The following COL3A1 variants were observed in gnomAD, a reference collection of about 807,000 sequenced individuals.
COL3A1 encodes the protein collagen alpha-1(III) chain.
In COL3A1, 46 loss-of-function variants were observed where a neutral mutation model predicts 200.9. That is an observed-to-expected ratio of 0.23 (90% confidence interval 0.18 to 0.29). The LOEUF (loss-of-function observed/expected upper bound fraction) is 0.29, where lower values mean the gene tolerates loss of function less well. Ranked by LOEUF, COL3A1 falls within the 10% of genes least tolerant of loss-of-function variation. The pLI is 1.00. For synonymous variants in COL3A1, 650 were observed against 628.0 expected (o/e 1.03, Z -0.52); for missense variants, 1,367 against 1,917.6 (o/e 0.71, Z 5.36).
Position 189,010,883 on chromosome 2 carries a change from G to C in COL3A1, c.4247G>C (p.Gly1416Ala). Reference protein sequence around the residue: ...SKFTYTVLEDGCTKHTGEWSK... With the variant: ...SKFTYTVLEDACTKHTGEWSK... ...TTCACCTACACAGTTCTGGAGGATGGTTGCACGGTAGGAAACATTTTTCTC... is the reference window on the plus strand; with the variant it reads ...TTCACCTACACAGTTCTGGAGGATGCTTGCACGGTAGGAAACATTTTTCTC... The change falls in exon 50 of 51, where the codon GGT becomes GCT. Residue 1416 changes from glycine to alanine, a missense_variant. Gly to Ala is a moderately conservative substitution (Grantham distance 60). This residue lies in a region of COL3A1 where 846 missense variants were observed against 1,147.9 expected (regional missense o/e 0.74). Coordinates refer to ENST00000304636, the MANE Select transcript of COL3A1 (RefSeq NM_000090.4). 6.2e-7 allele frequency: 1 copy of C among 1,614,086 alleles called. No individual in the cohort carries two copies. The highest frequency in any genetic ancestry group is 8.5e-7 in the Non-Finnish European group (1 of 1,179,950).
intron 8 of COL3A1, 53 bp downstream of exon 8, chr2:188,989,502 C>G: frequency 7.7e-7 from 1 of 1,306,460 alleles, no homozygotes; most frequent in Non-Finnish European, 1.1e-6. Flanking sequence ...TTGGTGTATT[C>G]TAAACAGTAT....
chr2:189,007,082 A>G, intron 44 of COL3A1, 92 bp downstream of exon 44: 1 of 566,810 alleles, frequency 1.8e-6, no homozygotes, highest in African/African-American at 2.2e-5. Flanking sequence ...CAGCGTGTTC[A>G]GGAAAAAAGA....
At position 188,992,948 on chromosome 2, in the gene COL3A1, T is replaced by G; in HGVS notation, c.1050+8T>G. On this transcript the variant is annotated splice_region_variant and intron_variant, in intron 15 of 50. Coordinates refer to ENST00000304636, the MANE Select transcript of COL3A1 (RefSeq NM_000090.4). ...GGATCCCCTGGTGCTAAGGTAAACA[T>G]GTGTTTCTATAGAAGGGTATAAAAA... 1.2e-6 allele frequency: 2 copies of G among 1,613,184 alleles called. No individual in the cohort carries two copies. The highest frequency in any genetic ancestry group is 1.7e-6 in the Non-Finnish European group (2 of 1,179,282).
intron 37 of COL3A1, 48 bp downstream of exon 37, chr2:189,003,512 C>A (rs369967656): frequency 3.2e-6 from 5 of 1,562,026 alleles, no homozygotes; most frequent in Non-Finnish European, 4.4e-6. Context: ...TAATTGATAT[C>A]AACCTGTATA....
intron 6 of COL3A1, 136 bp from the exon 7 acceptor site, chr2:188,988,454 A>G (rs946397344): frequency 5.8e-5 from 40 of 686,188 alleles, no homozygotes; most frequent in Non-Finnish European, 1.3e-5. Flanking sequence ...TCTAAAAATA[A>G]TTTGGTCTCA....
intron 1 of COL3A1, 123 bp downstream of exon 1, chr2:188,974,691 T>C (rs1687771205): frequency 1.3e-6 from 1 of 775,706 alleles, no homozygotes. Context: ...AAGCTCCAGA[T>C]TGTGAAACGT....
At chr2:188,996,342 G>C in intron 23 of COL3A1, 56 bp from the exon 24 acceptor site, 1 of 1,259,084 alleles carries the variant, frequency 7.9e-7, no homozygotes, top group Non-Finnish European at 1.1e-6. Flanking sequence ...TATATATATA[G>C]CATGCTTTAA....
chr2:188,978,145 A>G (rs1687864158), intron 1 of COL3A1: 1 of 252,746 alleles, frequency 4.0e-6, no homozygotes, highest in Non-Finnish European at 8.8e-6. Flanking sequence ...TAAGTGATCT[A>G]AAGGCCTACA....
In COL3A1 at chr2:188,995,075, A is replaced by G; in HGVS notation, c.1485A>G (p.Gly495=). ...RGAPGFRGPA[G]PNGIPGEKGP... is the part of the protein sequence containing the mutation. ...CCCCTGGGTTCCGAGGACCTGCTGG[A>G]CCAAATGGCATCCCAGGAGAAAAGG... The change falls in exon 21 of 51, where the codon GGA becomes GGG. Residue 495 remains glycine (G), a synonymous_variant. Coordinates refer to ENST00000304636, the MANE Select transcript of COL3A1 (RefSeq NM_000090.4). 1 of 1,614,214 alleles carries G rather than the reference A, an allele frequency of 6.2e-7. No individual in the cohort carries two copies. Among genetic ancestry groups the G allele is most frequent in the African/African-American group, 1.3e-5 (1 of 75,054 alleles).
In COL3A1 at chr2:188,991,077, A is replaced by T; in HGVS notation, c.852+20A>T. The stretch of plus-strand genomic sequence containing the variant: ...TTAAAGGTAAATCACAACAAAAATC[A>T]TATTTTCATAAGTAAATTCATTAAA... On this transcript the variant is annotated intron_variant, in intron 11 of 50. Coordinates refer to ENST00000304636, the MANE Select transcript of COL3A1 (RefSeq NM_000090.4). 1 of 1,606,364 alleles carries T rather than the reference A, an allele frequency of 6.2e-7. No individual in the cohort carries two copies. Among genetic ancestry groups the T allele is most frequent in the Non-Finnish European group, 8.5e-7 (1 of 1,173,604 alleles).
chr2:189,000,474 A>C (rs1009859706), intron 32 of COL3A1, among the ~76,000 whole-genome samples: 1 of 152,182 alleles, frequency 6.6e-6, no homozygotes, highest in Non-Finnish European at 1.5e-5. Flanking sequence ...AGAATGAGAA[A>C]GAGAGAGATG....
intron 1 of COL3A1, among the ~76,000 whole-genome samples, chr2:188,984,151 G>C (rs558707575): frequency 6.6e-6 from 1 of 151,782 alleles, no homozygotes; most frequent in Non-Finnish European, 1.5e-5. Context: ...ATCCATATGG[G>C]ATATACAATA....
Position 188,995,729 on chromosome 2 carries a change from G to A in COL3A1, c.1547G>A (p.Gly516Glu). 6.4e-7 allele frequency: 1 copy of A among 1,564,936 alleles called. No homozygotes were observed. Among genetic ancestry groups the A allele is most frequent in the Non-Finnish European group, 8.7e-7 (1 of 1,154,198 alleles). The change falls in exon 22 of 51, where the codon GGG (glycine) becomes GAG (glutamate). Residue 516 changes from glycine to glutamate, a missense_variant. Around this residue, in one of 5 missense-constraint regions of COL3A1, gnomAD observed 462 missense variants for 681.4 expected, o/e 0.68. Transcript: ENST00000304636. ...AGERGAPGPA[G>E]PRGAAGEPGR... is the part of the protein sequence containing the mutation. ...GAGCGTGGTGCTCCAGGCCCTGCAG[G>A]GCCCAGAGGAGCTGCTGGAGAACCT...
chr2:188,997,730 C>G lies in COL3A1; in HGVS notation c.1900C>G (p.Pro634Ala), dbSNP rs762129273. 1.2e-6 allele frequency: 2 copies of G among 1,613,614 alleles called. No homozygotes were observed. Among genetic ancestry groups the G allele is most frequent in the South Asian group, 2.2e-5 (2 of 91,066 alleles). ...TGGTGGTGACAAAGGAGACACAGGA[C>G]CCCCTGGTCCACAAGGATTACAAGT... is the stretch of plus-strand genomic sequence containing the variant. ...GPGGDKGDTG[P>A]PGPQGLQGLP... The change falls in exon 27 of 51, where the codon CCC (proline) becomes GCC (alanine). Residue 634 changes from proline to alanine, a missense_variant. Transcript: ENST00000304636.
intron 7 of COL3A1, 22 bp from the exon 8 acceptor site, chr2:188,989,374 T>C: frequency 1.3e-6 from 2 of 1,560,346 alleles, no homozygotes; most frequent in Non-Finnish European, 8.7e-7. Flanking sequence ...AATCTATTCA[T>C]TTTTTATTTC....
chr2:188,988,935 C>T (rs913623920), intron 7 of COL3A1, among the ~76,000 whole-genome samples: 2 of 151,416 alleles, frequency 1.3e-5, no homozygotes, highest in African/African-American at 4.9e-5. Context: ...TCTGTAAACA[C>T]TCAGTTCACT....
chr2:188,988,201 C>T, intron 6 of COL3A1, 67 bp downstream of exon 6: 1 of 1,381,388 alleles, frequency 7.2e-7, no homozygotes, highest in Non-Finnish European at 1.0e-6. Context: ...ATATATTCTG[C>T]TATAATTCAG....
In COL3A1 at chr2:189,003,097, A is replaced by G. The variant is rs776712226; in HGVS notation, c.2553+35A>G. On this transcript the variant is annotated intron_variant, in intron 36 of 50. Coordinates refer to ENST00000304636, the MANE Select transcript of COL3A1 (RefSeq NM_000090.4). ...TTCCTCTTTCTCTGTCTATCTATCT[A>G]TCATCTATCTATCTATTGATTATCT... is the stretch of plus-strand genomic sequence containing the variant. The G allele has an allele frequency of 4.9e-6, 7 of 1,436,328 alleles. No individual in the cohort carries two copies. In the South Asian group the frequency reaches 4.9e-5, roughly 10 times the overall value. 89.0% of individuals were successfully genotyped at this position (1,436,328 alleles called of 1,614,324 possible). A position where few individuals can be genotyped will look rare whatever the true frequency, so the allele number is the denominator to read the frequency against.
chr2:189,002,950 T>A lies in COL3A1; in HGVS notation c.2446-5T>A, dbSNP rs1163013218. On this transcript the variant is annotated splice_polypyrimidine_tract_variant and splice_region_variant and intron_variant, in intron 35 of 50. Transcript: ENST00000304636. Reference sequence around the variant, plus strand: ...CTGAGAGATTGCTGTTGTTGTTGCATGTAGGGACAGAATGGTGAACCTGGT... The same window carrying A: ...CTGAGAGATTGCTGTTGTTGTTGCAAGTAGGGACAGAATGGTGAACCTGGT... 6.5e-7 allele frequency: 1 copy of A among 1,547,674 alleles called. No individual in the cohort carries two copies. Among genetic ancestry groups the A allele is most frequent in the Non-Finnish European group, 8.7e-7 (1 of 1,143,368 alleles).
Sources: allele counts gnomAD v4.1 joint callset (sites outside exome capture counted in the v4.1 genomes callset), GRCh38; gene constraint gnomAD v4.1.1; regional missense constraint gnomAD v4.1.1; transcripts MANE v1.5; gene names NCBI Gene and HGNC (gene_info 2026-07-23, HGNC 2026-07-21).